ANKFN1: variants seen among roughly 807,000 people sequenced by gnomAD.
The protein encoded by ANKFN1 is ankyrin repeat and fibronectin type III domain containing 1.
In ANKFN1, 74 loss-of-function variants were observed where a neutral mutation model predicts 108.7. The observed-to-expected ratio is 0.68, with a 90% CI of 0.56 to 0.83. The LOEUF (loss-of-function observed/expected upper bound fraction) is 0.83. Among genes scored for constraint, ANKFN1 ranks in the 40% least tolerant of loss-of-function variants. The pLI is 0.00. For synonymous variants in ANKFN1, 547 were observed against 516.2 expected (o/e 1.06, Z -0.81); for missense variants, 1,505 against 1,382.3 (o/e 1.09, Z -1.41).
intron 20 of ANKFN1, among the ~76,000 whole-genome samples, chr17:56,501,231 G>A (rs920703502): frequency 9.2e-5 from 14 of 152,216 alleles, no homozygotes; most frequent in Non-Finnish European, 2.1e-4. Context: ...GAAGCCAGAA[G>A]CCAGAGTAGG....
intron 18 of ANKFN1, among the ~76,000 whole-genome samples, chr17:56,486,014 G>A (rs1598705614): frequency 6.6e-6 from 1 of 152,330 alleles, no homozygotes; most frequent in African/African-American, 2.4e-5. Flanking sequence ...TACAAAACTA[G>A]AGATGTGGTT....
At chr17:56,454,129 G>A (rs1042885882) in intron 11 of ANKFN1, among the ~76,000 whole-genome samples, 3 of 151,864 alleles carry the variant, frequency 2.0e-5, no homozygotes, top group African/African-American at 7.3e-5. Flanking sequence ...TTCAGATTTT[G>A]GTTCTCCCAC....
At chr17:56,183,465 T>C (rs1022802130) in intron 1 of ANKFN1, among the ~76,000 whole-genome samples, 1 of 152,116 alleles carries the variant, frequency 6.6e-6, no homozygotes, top group Non-Finnish European at 1.5e-5. Context: ...TGCGGGCAGA[T>C]CCCCCATGAA....
intron 1 of ANKFN1, among the ~76,000 whole-genome samples, chr17:56,170,807 T>TATATATATATATAC (rs1361307404): frequency 1.2e-3 from 72 of 61,434 alleles, no homozygotes; most frequent in African/African-American, 2.0e-3. Context: ...TATATATATA[T>TATATATATATATAC]ACACACACAC....
chr17:56,356,256 G>A (rs560111704), intron 6 of ANKFN1, among the ~76,000 whole-genome samples: 1 of 152,146 alleles, frequency 6.6e-6, no homozygotes, highest in East Asian at 1.9e-4. Flanking sequence ...TATGAAGTAG[G>A]CACTCACATT....
chr17:56,143,354 A>G (rs545810023), intron 4 of ANKFN1, among the ~76,000 whole-genome samples: 45 of 152,018 alleles, frequency 3.0e-4, no homozygotes, highest in African/African-American at 1.1e-3. Context: ...ACACTTGCAA[A>G]CCTCTTCACT....
At chr17:56,058,227 TCTC>T (rs1203199636) in intron 4 of ANKFN1, among the ~76,000 whole-genome samples, 1 of 152,196 alleles carries the variant, frequency 6.6e-6, no homozygotes, top group African/African-American at 2.4e-5. Context: ...AGCATTGACT[TCTC>T]CTCTCTAACT....
chr17:56,319,105 G>A (rs891217019), intron 3 of ANKFN1, among the ~76,000 whole-genome samples: 6 of 152,256 alleles, frequency 3.9e-5, no homozygotes, highest in Admixed American at 2.6e-4. Context: ...AAGAGGAGGA[G>A]GGGTCTGCCT....
At chr17:56,355,921 A>G (rs975838099) in intron 6 of ANKFN1, among the ~76,000 whole-genome samples, 1 of 152,162 alleles carries the variant, frequency 6.6e-6, no homozygotes, top group Non-Finnish European at 1.5e-5. Flanking sequence ...AAGAAACATC[A>G]TACCATTGAC....
At chr17:56,411,004 T>C (rs1277386860) in intron 8 of ANKFN1, among the ~76,000 whole-genome samples, 4 of 152,214 alleles carry the variant, frequency 2.6e-5, no homozygotes, top group African/African-American at 9.6e-5. Context: ...TTTGCTGGTT[T>C]CATACAAATT....
intron 3 of ANKFN1, among the ~76,000 whole-genome samples, chr17:56,315,294 A>G (rs560092477): frequency 6.6e-6 from 1 of 152,208 alleles, no homozygotes; most frequent in Non-Finnish European, 1.5e-5. Context: ...TGCAAATGTC[A>G]CAGAAAACTC....
At chr17:56,383,648 A>G (rs2047171691) in intron 8 of ANKFN1, among the ~76,000 whole-genome samples, 2 of 152,346 alleles carry the variant, frequency 1.3e-5, no homozygotes, top group Middle Eastern at 3.4e-3. Flanking sequence ...TAAAGGGGAT[A>G]TCACCACCGA....
intron 3 of ANKFN1, among the ~76,000 whole-genome samples, chr17:56,306,390 A>G (rs1201950320): frequency 6.6e-6 from 1 of 152,240 alleles, no homozygotes; most frequent in East Asian, 1.9e-4. Flanking sequence ...ATTTACATTT[A>G]AGATTTATGT....
rs898872976 is a variant in ANKFN1 at position 56,295,650 on chromosome 17, A to G, written c.54-30571A>G. ...TGTGTGTTCAGTTACTGTCTTAGTCAGTTTTGTGCTGCTATAACAGAATAC... is the reference window on the plus strand; with the variant it reads ...TGTGTGTTCAGTTACTGTCTTAGTCGGTTTTGTGCTGCTATAACAGAATAC... On this transcript the variant is annotated intron_variant, in intron 3 of 20. Coordinates refer to ENST00000682825, the MANE Select transcript of ANKFN1 (RefSeq NM_001370326.1). Among the ~76,000 whole-genome samples the G allele has an allele frequency of 2.0e-5, 3 of 152,292 alleles. No homozygotes were observed. The South Asian group carries it at 6.2e-4, about 32-fold the overall frequency.
At chr17:56,388,190 G>T (rs772470986) in intron 8 of ANKFN1, among the ~76,000 whole-genome samples, 1 of 151,304 alleles carries the variant, frequency 6.6e-6, no homozygotes, top group Non-Finnish European at 1.5e-5. Flanking sequence ...CCAGGCTGGA[G>T]TTCGGTGGCA....
intron 4 of ANKFN1, among the ~76,000 whole-genome samples, chr17:56,343,910 T>G (rs1372673375): frequency 6.6e-6 from 1 of 152,050 alleles, no homozygotes; most frequent in East Asian, 1.9e-4. Flanking sequence ...ATTTAGTTCT[T>G]GATTTTCTTC....
intron 11 of ANKFN1, among the ~76,000 whole-genome samples, chr17:56,449,599 A>G (rs925033545): frequency 3.9e-5 from 6 of 152,120 alleles, no homozygotes; most frequent in Admixed American, 6.6e-5. Context: ...GTAATAATAA[A>G]CCTCCATATT....
chr17:56,278,280 G>T (rs1053472989), intron 3 of ANKFN1, among the ~76,000 whole-genome samples: 17 of 152,248 alleles, frequency 1.1e-4, no homozygotes, highest in African/African-American at 4.1e-4. Context: ...ATCCCTGAGG[G>T]ATTCCTTCTC....
In ANKFN1 at chr17:56,153,509, C is replaced by T; in HGVS notation, c.-92C>T. ...CTCAAGAGCTCAGTCCTGTGTCTCT[C>T]ATGGAGGCGTCTCTAACCAGGGTAG... On this transcript the variant is annotated 5_prime_UTR_variant, in exon 1 of 21. Transcript: ENST00000682825. The T allele has an allele frequency of 6.2e-7, 1 of 1,614,114 alleles. No homozygotes were observed. Among genetic ancestry groups the T allele is most frequent in the Non-Finnish European group, 8.5e-7 (1 of 1,179,948 alleles).
Sources: gnomAD v4.1 joint callset for allele counts (sites outside exome capture counted in the v4.1 genomes callset) on GRCh38, gnomAD v4.1.1 for gene constraint, MANE v1.5 for transcripts, NCBI Gene and HGNC (gene_info 2026-07-23, HGNC 2026-07-21) for gene names.